RBMS3: variants seen among roughly 807,000 people sequenced by gnomAD.
RBMS3 encodes RNA-binding motif, single-stranded-interacting protein 3.
RBMS3 carries 27 observed loss-of-function variants against 66.8 expected under a neutral mutation model. The observed-to-expected ratio is 0.40, with a 90% CI of 0.30 to 0.56. The LOEUF is 0.56. RBMS3 is among the 20% of genes least tolerant of loss of function. The probability of loss-of-function intolerance (pLI) is 0.40; values close to 1 mark genes in which losing one functional copy is unlikely to be tolerated. For missense variants in RBMS3, 513 were observed against 549.5 expected, an observed-to-expected ratio of 0.93 and a Z score of 0.66; for synonymous variants, 188 against 183.0, an observed-to-expected ratio of 1.03 and a Z score of -0.22.
intron 3 of RBMS3, among the ~76,000 whole-genome samples, chr3:29,566,079 C>G (rs959380058): frequency 8.5e-5 from 13 of 152,182 alleles, no homozygotes; most frequent in African/African-American, 2.4e-4. Context: ...CATTCACTTA[C>G]TTATTGACTC....
At chr3:29,942,583 G>A (rs2061417822) in intron 11 of RBMS3, among the ~76,000 whole-genome samples, 1 of 151,720 alleles carries the variant, frequency 6.6e-6, no homozygotes, top group Non-Finnish European at 1.5e-5. Flanking sequence ...TGCATGTGTG[G>A]AGTTCAGTAT....
At chr3:29,355,822 A>G (rs2037194006) in intron 1 of RBMS3, among the ~76,000 whole-genome samples, 1 of 152,084 alleles carries the variant, frequency 6.6e-6, no homozygotes, top group Admixed American at 6.6e-5. Context: ...AAAAAGCACA[A>G]ATCTTATGTT....
intron 10 of RBMS3, among the ~76,000 whole-genome samples, chr3:29,931,620 C>T (rs1247602491): frequency 7.5e-6 from 1 of 133,434 alleles, no homozygotes; most frequent in Non-Finnish European, 1.6e-5. Context: ...TTCTTAAACC[C>T]TGAACCCTCA....
chr3:29,320,861 A>AATATAATGT (rs1372346809), intron 1 of RBMS3, among the ~76,000 whole-genome samples: 1 of 152,050 alleles, frequency 6.6e-6, no homozygotes, highest in East Asian at 1.9e-4. Context: ...CATATTTAAA[A>AATATAATGT]GAATAAACTT....
intron 4 of RBMS3, among the ~76,000 whole-genome samples, chr3:29,703,723 T>G (rs1169305534): frequency 1.3e-5 from 2 of 152,242 alleles, no homozygotes; most frequent in African/African-American, 4.8e-5. Flanking sequence ...ATTCCCATTC[T>G]TATTGTGAAA....
At chr3:29,621,973 G>A (rs920506339) in intron 4 of RBMS3, among the ~76,000 whole-genome samples, 5 of 152,112 alleles carry the variant, frequency 3.3e-5, no homozygotes, top group Non-Finnish European at 5.9e-5. Flanking sequence ...GCACTGGCAA[G>A]GTCCTAGGGA....
intron 1 of RBMS3, among the ~76,000 whole-genome samples, chr3:29,394,251 T>TTG (rs1260062584): frequency 2.6e-5 from 4 of 152,216 alleles, no homozygotes; most frequent in Non-Finnish European, 4.4e-5. Flanking sequence ...ATTCGCTTTC[T>TTG]GCAAGAAGAG....
intron 6 of RBMS3, among the ~76,000 whole-genome samples, chr3:29,769,583 A>G (rs2149392658): frequency 6.6e-6 from 1 of 151,600 alleles, no homozygotes; most frequent in Middle Eastern, 3.4e-3. Context: ...TCTTGGTAGG[A>G]GCAGGTTAAG....
At chr3:29,417,961 T>TA (rs1281603346) in intron 1 of RBMS3, among the ~76,000 whole-genome samples, 1 of 152,176 alleles carries the variant, frequency 6.6e-6, no homozygotes, top group Non-Finnish European at 1.5e-5. Flanking sequence ...TGTTCTTGAC[T>TA]AACAGGAAGA....
chr3:29,560,825 AT>A (rs1243428166), intron 3 of RBMS3, among the ~76,000 whole-genome samples: 4 of 152,168 alleles, frequency 2.6e-5, no homozygotes, highest in African/African-American at 7.2e-5. Flanking sequence ...TGTACAAATT[AT>A]TTTGACACCC....
At chr3:29,908,981 G>A (rs1158448802) in intron 10 of RBMS3, among the ~76,000 whole-genome samples, 2 of 152,068 alleles carry the variant, frequency 1.3e-5, no homozygotes, top group African/African-American at 2.4e-5. Flanking sequence ...ATGACATAAA[G>A]ATGACCTTAA....
intron 3 of RBMS3, among the ~76,000 whole-genome samples, chr3:29,526,520 C>CAAAAAAAAAAAA (rs61483868): frequency 2.8e-5 from 1 of 35,950 alleles, no homozygotes; most frequent in Admixed American, 4.8e-4. Context: ...GACTCCATCT[C>CAAAAAAAAAAAA]AAAAAAAAAA....
chr3:29,456,340 A>G (rs953823015), intron 2 of RBMS3, among the ~76,000 whole-genome samples: 4 of 152,222 alleles, frequency 2.6e-5, no homozygotes, highest in Non-Finnish European at 4.4e-5. Flanking sequence ...CTAATACAGA[A>G]GTTAATACCA....
intron 14 of RBMS3, among the ~76,000 whole-genome samples, chr3:29,998,642 C>G (rs2125395767): frequency 6.6e-6 from 1 of 152,214 alleles, no homozygotes; most frequent in South Asian, 2.1e-4. Context: ...CTTTGACAAA[C>G]CTGACAAAAA....
intron 2 of RBMS3, among the ~76,000 whole-genome samples, chr3:29,446,123 A>G (rs2041822233): frequency 6.6e-6 from 1 of 152,190 alleles, no homozygotes; most frequent in African/African-American, 2.4e-5. Flanking sequence ...AAGAGACGGC[A>G]TAATACCATC....
chr3:29,973,881 C>T (rs535815308), intron 12 of RBMS3, among the ~76,000 whole-genome samples: 6 of 151,774 alleles, frequency 4.0e-5, no homozygotes, highest in African/African-American at 1.4e-4. Flanking sequence ...TTTATTGTTG[C>T]CCCCTCTTTC....
intron 12 of RBMS3, among the ~76,000 whole-genome samples, chr3:29,985,110 C>G (rs968788856): frequency 6.6e-6 from 1 of 152,196 alleles, no homozygotes; most frequent in Non-Finnish European, 1.5e-5. Context: ...GATGAGGAAT[C>G]TAGAAAGGCA....
intron 4 of RBMS3, among the ~76,000 whole-genome samples, chr3:29,672,937 A>G (rs2051071265): frequency 6.6e-6 from 1 of 152,224 alleles, no homozygotes; most frequent in South Asian, 2.1e-4. Flanking sequence ...GACCTAATAG[A>G]CATCTACAGA....
At chr3:29,484,443 A>T (rs1039832007) in intron 2 of RBMS3, among the ~76,000 whole-genome samples, 2 of 152,136 alleles carry the variant, frequency 1.3e-5, no homozygotes, top group African/African-American at 4.8e-5. Context: ...CTCTGCTTAT[A>T]AGGACAACAA....
Sources: gnomAD v4.1 joint callset for allele counts (sites outside exome capture counted in the v4.1 genomes callset) on GRCh38, gnomAD v4.1.1 for gene constraint, MANE v1.5 for transcripts, NCBI Gene and HGNC (gene_info 2026-07-23, HGNC 2026-07-21) for gene names.